TP63: variants seen among roughly 807,000 people sequenced by gnomAD.
TP63 encodes tumor protein 63.
Under a neutral mutation model 82.8 loss-of-function variants are expected in TP63, and 17 were observed. That is an observed-to-expected ratio of 0.21 (90% confidence interval 0.14 to 0.31). The LOEUF is 0.31. TP63 is among the 10% of genes least tolerant of loss of function. The pLI is 1.00. For missense variants in TP63, 648 were observed against 895.3 expected (o/e 0.72, Z 3.52); for synonymous variants, 330 against 321.7 (o/e 1.03, Z -0.28).
rs767246984 is a variant in TP63, at chr3:189,894,541, G to T, written c.*39G>T. 9.3e-6 allele frequency: 15 copies of T among 1,608,556 alleles called. No individual in the cohort carries two copies. The highest frequency in any genetic ancestry group is 4.4e-5 in the South Asian group (4 of 90,860). On this transcript the variant is annotated 3_prime_UTR_variant, in exon 14 of 14. Transcript: ENST00000264731. Reference sequence around the variant, plus strand: ...AGCTCTTCCTATCCCTCTCCTAACTGCCAGCCCCCTAAAAGCACTCCTGCT... The same window carrying T: ...AGCTCTTCCTATCCCTCTCCTAACTTCCAGCCCCCTAAAAGCACTCCTGCT...
intron 3 of TP63, among the ~76,000 whole-genome samples, chr3:189,753,396 C>A (rs1161180695): frequency 6.6e-6 from 1 of 151,830 alleles, no homozygotes; most frequent in African/African-American, 2.4e-5. Flanking sequence ...TATAATATTT[C>A]TTTATTTCTG....
chr3:189,836,846 C>T (rs907606095), intron 4 of TP63, among the ~76,000 whole-genome samples: 1 of 152,154 alleles, frequency 6.6e-6, no homozygotes, highest in Non-Finnish European at 1.5e-5. Context: ...GTATTTGGCC[C>T]AATTCCCCAC....
rs568381550 is a variant in TP63 at position 189,826,568 on chromosome 3, A to G, written c.579+18042A>G. ...GTGAAATATCCCAATTAAAAAACTG[A>G]AAGGATTGTTTATCAGTAAGTTGCA... is the stretch of plus-strand genomic sequence containing the variant. On this transcript the variant is annotated intron_variant, in intron 4 of 13. Transcript: ENST00000264731. 9.8e-4 allele frequency among the ~76,000 whole-genome samples: 150 copies of G among 152,378 alleles called. 1 individual carries two copies. Among genetic ancestry groups the G allele is most frequent in the African/African-American group, 3.5e-3 (147 of 41,590 alleles).
chr3:189,786,527 C>T (rs1410370367), intron 3 of TP63, among the ~76,000 whole-genome samples: 1 of 151,100 alleles, frequency 6.6e-6, no homozygotes, highest in Non-Finnish European at 1.5e-5. Context: ...GAAAATATAG[C>T]ACTTATAATA....
intron 1 of TP63, among the ~76,000 whole-genome samples, chr3:189,663,445 T>C (rs1714100096): frequency 6.6e-6 from 1 of 151,796 alleles, no homozygotes; most frequent in South Asian, 2.1e-4. Context: ...GATGAGCTGC[T>C]ATAATTTCAG....
At chr3:189,846,613 T>G (rs1325653017) in intron 4 of TP63, among the ~76,000 whole-genome samples, 9 of 34,370 alleles carry the variant, frequency 2.6e-4, no homozygotes, top group Non-Finnish European at 4.3e-4. Context: ...GCCAGTAGGG[T>G]GTGTGTGTGT....
chr3:189,837,208 A>AT (rs143926706), intron 4 of TP63, among the ~76,000 whole-genome samples: 33,132 of 149,656 alleles, frequency 0.22, 4,134 homozygotes, highest in Admixed American at 0.35. Context: ...TGTTCAAAAC[A>AT]TTTTTTTTTT....
chr3:189,599,095 A>T, the TP63 span, among the ~76,000 whole-genome samples: 1 of 152,198 alleles, frequency 6.6e-6, no homozygotes, highest in Non-Finnish European at 1.5e-5. Context: ...TTTCACTCTT[A>T]AAGTTTGTAA....
At chr3:189,774,139 G>T (rs533103926) in intron 3 of TP63, among the ~76,000 whole-genome samples, 3 of 151,748 alleles carry the variant, frequency 2.0e-5, no homozygotes, top group Admixed American at 6.6e-5. Context: ...AGCCAGGATG[G>T]TCTCGATCTC....
intron 4 of TP63, among the ~76,000 whole-genome samples, chr3:189,846,616 GT>G (rs1714908571): frequency 5.1e-5 from 2 of 39,144 alleles, no homozygotes; most frequent in African/African-American, 2.8e-4. Flanking sequence ...AGTAGGGTGT[GT>G]GTGTGTGTGT....
chr3:189,838,450 A>G (rs1713467643), intron 4 of TP63, among the ~76,000 whole-genome samples: 1 of 152,228 alleles, frequency 6.6e-6, no homozygotes, highest in South Asian at 2.1e-4. Flanking sequence ...GAATGCAGAA[A>G]AAGCGAACAA....
chr3:189,813,673 A>C (rs1241560960), intron 4 of TP63, among the ~76,000 whole-genome samples: 1 of 151,720 alleles, frequency 6.6e-6, no homozygotes, highest in Non-Finnish European at 1.5e-5. Flanking sequence ...ACATAGGATC[A>C]CTTTTTGCTG....
At position 189,718,486 on chromosome 3, in the gene TP63, G is replaced by A. The variant is rs191776798; in HGVS notation, c.63-19254G>A. Reference sequence around the variant, plus strand: ...TTTTAAACCATCAGATCTTGTGAGCGGTCACTCACTGTCATGAGAATGGCA... The same window carrying A: ...TTTTAAACCATCAGATCTTGTGAGCAGTCACTCACTGTCATGAGAATGGCA... On this transcript the variant is annotated intron_variant, in intron 1 of 13. Transcript: ENST00000264731. 8.6e-4 allele frequency among the ~76,000 whole-genome samples: 127 copies of A among 148,470 alleles called. 3 individuals carry two copies. Among genetic ancestry groups the A allele is most frequent in the African/African-American group, 2.9e-3 (118 of 40,320 alleles).
chr3:189,642,213 A>G (rs954982501), intron 1 of TP63, among the ~76,000 whole-genome samples: 1 of 152,206 alleles, frequency 6.6e-6, no homozygotes, highest in Non-Finnish European at 1.5e-5. Context: ...AGCACTTTTT[A>G]TTAACTAGGA....
intron 5 of TP63, among the ~76,000 whole-genome samples, chr3:189,865,087 G>C (rs1717546943): frequency 6.6e-6 from 1 of 152,076 alleles, no homozygotes; most frequent in Admixed American, 6.6e-5. Context: ...CCAGGCTACA[G>C]TTTCTTCAGA....
chr3:189,718,083 C>T (rs1719097056), intron 1 of TP63, among the ~76,000 whole-genome samples: 1 of 152,088 alleles, frequency 6.6e-6, no homozygotes, highest in African/African-American at 2.4e-5. Context: ...GGGTAACCTA[C>T]AAGGATATAT....
chr3:189,805,989 C>T (rs1207787026), intron 3 of TP63, among the ~76,000 whole-genome samples: 3 of 144,788 alleles, frequency 2.1e-5, no homozygotes, highest in Non-Finnish European at 3.0e-5. Context: ...CCACCCTGGA[C>T]ATGGATCTCC....
In TP63 at chr3:189,895,139, A is replaced by G. The variant is rs1371245053; in HGVS notation, c.*637A>G. 1 of 221,236 alleles carries G rather than the reference A, an allele frequency of 4.5e-6. No homozygotes were observed. The highest frequency in any genetic ancestry group is 2.2e-5 in the African/African-American group (1 of 44,662). 13.7% of individuals were successfully genotyped at this position (221,236 alleles called of 1,614,324 possible). On this transcript the variant is annotated 3_prime_UTR_variant, in exon 14 of 14. Coordinates refer to ENST00000264731, the MANE Select transcript of TP63 (RefSeq NM_003722.5). ...TTCCATTGCTTATTATGTAGGTAAG[A>G]CTGTAGATATGTATTCTTTTCTCAG...
intron 1 of TP63, among the ~76,000 whole-genome samples, chr3:189,643,082 A>T (rs1712060887): frequency 6.6e-6 from 1 of 151,996 alleles, no homozygotes; most frequent in South Asian, 2.1e-4. Flanking sequence ...GCTCACTGCA[A>T]CTTCTGCCTC....
Sources: gnomAD v4.1 joint callset for allele counts (sites outside exome capture counted in the v4.1 genomes callset) on GRCh38, gnomAD v4.1.1 for gene constraint, MANE v1.5 for transcripts, NCBI Gene and HGNC (gene_info 2026-07-23, HGNC 2026-07-21) for gene names.